KCNAB2: variants seen among roughly 807,000 people sequenced by gnomAD.
The protein encoded by KCNAB2 is potassium voltage-gated channel subfamily A regulatory beta subunit 2.
In KCNAB2, 29 loss-of-function variants were observed where a neutral mutation model predicts 63.6. That is an observed-to-expected ratio of 0.46 (90% CI 0.34 to 0.62). KCNAB2 has a LOEUF of 0.62. Ranked by LOEUF, KCNAB2 falls within the 20% of genes least tolerant of loss-of-function variation. KCNAB2 has a pLI of 0.01. For synonymous variants in KCNAB2, 222 were observed against 224.2 expected, an observed-to-expected ratio of 0.99 and a Z score of 0.09; for missense variants, 359 against 563.9, an observed-to-expected ratio of 0.64 and a Z score of 3.68.
Position 6,098,513 on chromosome 1 carries a change from T to G in KCNAB2, c.1187T>G (p.Ile396Ser), listed in dbSNP as rs747954369. 1.2e-5 allele frequency: 20 copies of G among 1,613,884 alleles called. No individual in the cohort carries two copies. The highest frequency in any genetic ancestry group is 1.7e-5 in the Non-Finnish European group (20 of 1,180,000). Residue 396 changes from isoleucine (I) to serine (S), a missense_variant, in exon 16 of 16, where the codon ATC becomes AGC. This residue lies in a region of KCNAB2 where 271 missense variants were observed against 476.1 expected (regional missense o/e 0.57). Transcript: ENST00000378083. ...CTTCCGAAACTGTCATCTTCCATTA[T>G]CCACGAGATTGATAGTATTTTGGGC... ...QVLPKLSSSI[I>S]HEIDSILGNK... is the part of the protein sequence containing the mutation.
chr1:6,083,266 C>T lies in KCNAB2; in HGVS notation c.380+992C>T, dbSNP rs574327334. Among the ~76,000 whole-genome samples the T allele has an allele frequency of 5.3e-5, 8 of 152,284 alleles. No homozygotes were observed. The East Asian group carries it at 1.2e-3, about 22-fold the overall frequency. On this transcript the variant is annotated intron_variant, in intron 5 of 15. Transcript: ENST00000378083. ...AAAAAGCCCAGTGCAGATGCCAAGCCGAGAGGCACCTCCCGTCCCGAGCCC... is the reference window on the plus strand; with the variant it reads ...AAAAAGCCCAGTGCAGATGCCAAGCTGAGAGGCACCTCCCGTCCCGAGCCC...
chr1:6,041,587 C>G (rs1660502494), upstream of KCNAB2: 1 of 550,272 alleles, frequency 1.8e-6, no homozygotes, highest in African/African-American at 1.9e-5. Context: ...GGAAGGAGCC[C>G]TTGGTGTCCA....
intron 1 of KCNAB2, among the ~76,000 whole-genome samples, chr1:6,038,186 G>T (rs1317056772): frequency 6.6e-6 from 1 of 151,872 alleles, no homozygotes; most frequent in Non-Finnish European, 1.5e-5. Flanking sequence ...CCAAATGAGG[G>T]TCTTTAAGAA....
chr1:6,097,599 C>A, intron 15 of KCNAB2: 1 of 688,330 alleles, frequency 1.5e-6, no homozygotes, highest in Non-Finnish European at 2.4e-6. Flanking sequence ...AGGAGAGAAG[C>A]CAGAGATAAA....
rs1660905461 is a variant in KCNAB2, at chr1:6,046,169, C to A, written c.-41C>A. The A allele has an allele frequency of 1.0e-6, 1 of 985,418 alleles. No homozygotes were observed. Among genetic ancestry groups the A allele is most frequent in the Non-Finnish European group, 1.2e-6 (1 of 829,918 alleles). 61.0% of individuals were successfully genotyped at this position (985,418 alleles called of 1,614,324 possible). A position where few individuals can be genotyped will look rare whatever the true frequency, so the allele number is the denominator to read the frequency against. On this transcript the variant is annotated 5_prime_UTR_variant, in exon 1 of 16. Coordinates refer to ENST00000378083, the MANE Select transcript of KCNAB2 (RefSeq NM_001199862.2). The stretch of plus-strand genomic sequence containing the variant: ...CTGTGGCCTTTTTAACGAGCAGACG[C>A]CCCCACGAAGGCAGGTGAGTCCTCC...
chr1:6,078,791 A>G lies in KCNAB2; in HGVS notation c.301-3404A>G, dbSNP rs1458782109. Among the ~76,000 whole-genome samples the G allele has an allele frequency of 1.3e-5, 2 of 151,964 alleles. No individual in the cohort carries two copies. The highest frequency in any genetic ancestry group is 2.9e-5 in the Non-Finnish European group (2 of 68,028). ...GTTCAGCGTGTGCACGATCCCATGT[A>G]CTCGGAAGGCACATCCTGATGTGGC... On this transcript the variant is annotated intron_variant, in intron 4 of 15. Coordinates refer to ENST00000378083, the MANE Select transcript of KCNAB2 (RefSeq NM_001199862.2). This position sits in a 1 kb window ranked among gnomAD's most constrained non-coding sequence, Gnocchi z 4.2.
upstream of KCNAB2, among the ~76,000 whole-genome samples, chr1:6,032,308 C>T (rs555708023): frequency 5.9e-5 from 9 of 152,232 alleles, no homozygotes; most frequent in South Asian, 2.1e-4. Context: ...TGGCCGGTTG[C>T]GGTGGCTCAC....
Position 6,084,184 on chromosome 1 carries a change from C to T in KCNAB2, c.381-1020C>T, listed in dbSNP as rs540395971. ...GGATCATTCTCCGTCTGTTGTTTTG[C>T]TCAGAAACATTTTGCTACAAGCAGA... On this transcript the variant is annotated intron_variant, in intron 5 of 15. Coordinates refer to ENST00000378083, the MANE Select transcript of KCNAB2 (RefSeq NM_001199862.2). 9.8e-5 allele frequency among the ~76,000 whole-genome samples: 15 copies of T among 152,330 alleles called. No individual in the cohort carries two copies. The East Asian group carries it at 2.7e-3, about 27-fold the overall frequency.
rs1024939580 is a variant in KCNAB2, at chr1:6,096,902, G to C, written c.1069+146G>C. 2.6e-6 allele frequency: 3 copies of C among 1,152,020 alleles called. No individual in the cohort carries two copies. The highest frequency in any genetic ancestry group is 2.4e-6 in the Non-Finnish European group (2 of 842,124). 71.4% of individuals were successfully genotyped at this position (1,152,020 alleles called of 1,614,324 possible). On this transcript the variant is annotated intron_variant, in intron 14 of 15. Transcript: ENST00000378083. This position sits in a 1 kb window ranked among gnomAD's most constrained non-coding sequence, Gnocchi z 5.9. ...TGGACATCATCCCCCAGCCAGCCTC[G>C]GGTAATCGGGCTCTAAGGGGCATGG...
At position 6,098,513 on chromosome 1, in the gene KCNAB2, T is replaced by A. The variant is rs747954369; in HGVS notation, c.1187T>A (p.Ile396Asn). ...CTTCCGAAACTGTCATCTTCCATTATCCACGAGATTGATAGTATTTTGGGC... is the reference window on the plus strand; with the variant it reads ...CTTCCGAAACTGTCATCTTCCATTAACCACGAGATTGATAGTATTTTGGGC... ...QVLPKLSSSI[I>N]HEIDSILGNK... is the part of the protein sequence containing the mutation. Residue 396 changes from isoleucine (I) to asparagine (N), a missense_variant, in exon 16 of 16, where the codon ATC (isoleucine) becomes AAC (asparagine). Transcript: ENST00000378083. 1 of 1,614,002 alleles carries A rather than the reference T, an allele frequency of 6.2e-7. No individual in the cohort carries two copies. Among genetic ancestry groups the A allele is most frequent in the Non-Finnish European group, 8.5e-7 (1 of 1,179,992 alleles).
intron 4 of KCNAB2, among the ~76,000 whole-genome samples, chr1:6,077,976 G>T (rs889397957): frequency 1.3e-5 from 2 of 152,200 alleles, no homozygotes; most frequent in African/African-American, 4.8e-5. Flanking sequence ...ACAGCTCTGG[G>T]GTCCAGAGAT....
At position 6,096,389 on chromosome 1, in the gene KCNAB2, G is replaced by A; in HGVS notation, c.949-247G>A. The A allele has an allele frequency of 1.7e-6, 1 of 572,754 alleles. No individual in the cohort carries two copies. The highest frequency in any genetic ancestry group is 3.1e-6 in the Non-Finnish European group (1 of 320,774). The allele number at this position is 572,754 out of a possible 1,614,324, so 35.5% of individuals were successfully genotyped here. A position where few individuals can be genotyped will look rare whatever the true frequency, so the allele number is the denominator to read the frequency against. ...CTTGTCCTGACTTGGGGTTGGGCCA[G>A]CACCACAGTCTTTGCACTTCAGAGC... On this transcript the variant is annotated intron_variant, in intron 13 of 15. Transcript: ENST00000378083. The surrounding 1 kb of genome is among the most constrained non-coding windows in gnomAD (Gnocchi z 5.9).
At chr1:6,089,238 G>A (rs928455199) in intron 8 of KCNAB2, among the ~76,000 whole-genome samples, 187 bp downstream of exon 8, 3 of 152,238 alleles carry the variant, frequency 2.0e-5, no homozygotes, top group Non-Finnish European at 2.9e-5. Flanking sequence ...TGCAGAGAAC[G>A]AGGGCAGCCC....
intron 1 of KCNAB2, among the ~76,000 whole-genome samples, chr1:6,037,340 C>T (rs1660121686): frequency 6.6e-6 from 1 of 152,220 alleles, no homozygotes; most frequent in Non-Finnish European, 1.5e-5. Context: ...CATCCCAGCC[C>T]CCATCCCCTT....
chr1:6,041,657 G>A, upstream of KCNAB2: 1 of 607,870 alleles, frequency 1.6e-6, no homozygotes, highest in South Asian at 1.9e-5. Context: ...CAGAGCACTT[G>A]GCACCGGCTG....
chr1:6,000,094 A>C (rs1400765450), intron 1 of KCNAB2, among the ~76,000 whole-genome samples: 1 of 151,938 alleles, frequency 6.6e-6, no homozygotes, highest in Non-Finnish European at 1.5e-5. Context: ...TCTGTGCCCC[A>C]TCTGGGCCCT....
At chr1:6,089,574 A>C (rs1571088093) in intron 8 of KCNAB2, among the ~76,000 whole-genome samples, 1 of 151,996 alleles carries the variant, frequency 6.6e-6, no homozygotes, top group African/African-American at 2.4e-5. Context: ...ATTGAAAATC[A>C]CCTGGCGGGG....
intron 1 of KCNAB2, among the ~76,000 whole-genome samples, chr1:6,022,879 C>CT (rs34874871): frequency 0.023 from 2,017 of 86,868 alleles, 67 homozygotes; most frequent in African/African-American, 0.043. Flanking sequence ...TTTTGCTTAT[C>CT]TTTTTTTTTT....
rs774858303 is a variant in KCNAB2, at chr1:6,085,268, C to T, written c.425+20C>T. ...ATGGAGGTAACGGCCCTGCTCTCTG[C>T]GGCCTGTCCCTGGGGTGGGTGCGGG... On this transcript the variant is annotated intron_variant, in intron 6 of 15. Coordinates refer to ENST00000378083, the MANE Select transcript of KCNAB2 (RefSeq NM_001199862.2). 33 of 1,611,080 alleles carry T rather than the reference C, an allele frequency of 2.0e-5. No individual in the cohort carries two copies. The highest frequency in any genetic ancestry group is 5.5e-5 in the South Asian group (5 of 91,014).
Sources: allele counts gnomAD v4.1 joint callset (sites outside exome capture counted in the v4.1 genomes callset), GRCh38; gene constraint gnomAD v4.1.1; regional missense constraint gnomAD v4.1.1; non-coding constraint Gnocchi (gnomAD v3.1); transcripts MANE v1.5; gene names NCBI Gene and HGNC (gene_info 2026-07-23, HGNC 2026-07-21).